The following VAC14 variants were observed in gnomAD, a reference collection of about 807,000 sequenced individuals.
VAC14 encodes protein VAC14 homolog.
In VAC14, 47 loss-of-function variants were observed where a neutral mutation model predicts 85.3. The observed-to-expected ratio is 0.55, with a 90% CI of 0.44 to 0.70. The LOEUF is 0.70. Ranked by LOEUF, VAC14 falls within the 30% of genes least tolerant of loss-of-function variation. VAC14 has a pLI of 0.00. For missense variants in VAC14, 861 were observed against 1,004.3 expected (o/e 0.86, Z 1.93); for synonymous variants, 447 against 430.5 (o/e 1.04, Z -0.47).
At chr16:70,760,426 G>A (rs566407580) in intron 12 of VAC14, among the ~76,000 whole-genome samples, 37 of 152,258 alleles carry the variant, frequency 2.4e-4, no homozygotes, top group African/African-American at 8.4e-4. Context: ...GGACACTTAG[G>A]AATGTGATTC....
intron 17 of VAC14, among the ~76,000 whole-genome samples, chr16:70,694,018 G>C (rs1375087659): frequency 1.3e-5 from 2 of 152,246 alleles, no homozygotes; most frequent in Admixed American, 6.5e-5. Context: ...GCGCGAGCCT[G>C]TTTCCAGTCC....
At chr16:70,761,520 G>C (rs111280326) in intron 12 of VAC14, among the ~76,000 whole-genome samples, 1 of 152,242 alleles carries the variant, frequency 6.6e-6, no homozygotes, top group African/African-American at 2.4e-5. Flanking sequence ...AAACCCTGCC[G>C]CTTGGCTGGG....
At chr16:70,784,033 C>G (rs1023616028) in intron 5 of VAC14, 80 bp downstream of exon 5, 2 of 1,183,020 alleles carry the variant, frequency 1.7e-6, no homozygotes, top group East Asian at 4.7e-5. Context: ...TTCCTATAGC[C>G]AAAGGGCCTG....
chr16:70,761,390 G>A (rs974717290), intron 12 of VAC14: 25 of 204,272 alleles, frequency 1.2e-4, no homozygotes, highest in East Asian at 5.1e-4. Context: ...GTGCCTTGGC[G>A]CTCAGAAGAG....
chr16:70,785,845 G>A lies in VAC14; in HGVS notation c.280C>T (p.Leu94=). ...AAGCAGGTCAGCACTGGCTCGATCA[G>A]CTCCTTCAGGTAGAGCCCTGAGTCC... ...GKDSGLYLKE[L]IEPVLTCFND... The change falls in exon 3 of 19, where the codon CTG becomes TTG. Residue 94 remains leucine (L), a synonymous_variant. Coordinates refer to ENST00000261776, the MANE Select transcript of VAC14 (RefSeq NM_018052.5). 1 of 1,604,696 alleles carries A rather than the reference G, an allele frequency of 6.2e-7. No individual in the cohort carries two copies. Among genetic ancestry groups the A allele is most frequent in the East Asian group, 2.2e-5 (1 of 44,522 alleles).
At chr16:70,790,488 T>G (rs1485444202) in intron 1 of VAC14, among the ~76,000 whole-genome samples, 1 of 152,162 alleles carries the variant, frequency 6.6e-6, no homozygotes, top group Admixed American at 6.5e-5. Flanking sequence ...GACCATGAGC[T>G]CGCACGTGAT....
At chr16:70,795,311 A>AAAC (rs746175310) in intron 1 of VAC14, among the ~76,000 whole-genome samples, 27 of 152,008 alleles carry the variant, frequency 1.8e-4, no homozygotes, top group Middle Eastern at 3.4e-3. Flanking sequence ...CTAAAAATTA[A>AAAC]AACAACAACA....
Position 70,781,900 on chromosome 16 carries a change from C to G in VAC14, c.915G>C (p.Leu305Phe). ...PYSSGILTAV[L>F]PCLAYDDRKK... ...TGCGGTCATCGTAGGCCAAGCAGGG[C>G]AAGACAGCAGTCAGGATCCCGGAGG... is the stretch of plus-strand genomic sequence containing the variant. The change falls in exon 8 of 19, where the codon TTG becomes TTC. Residue 305 changes from leucine to phenylalanine, a missense_variant. Physicochemically the swap from Leu to Phe is conservative, Grantham distance 22 (BLOSUM62 0). Around this residue, in one of 3 missense-constraint regions of VAC14, gnomAD observed 629 missense variants for 703.1 expected, o/e 0.89. Transcript: ENST00000261776. 6.2e-7 allele frequency: 1 copy of G among 1,614,172 alleles called. No homozygotes were observed. Among genetic ancestry groups the G allele is most frequent in the Non-Finnish European group, 8.5e-7 (1 of 1,180,042 alleles).
At chr16:70,742,781 C>T (rs1016566621) in intron 13 of VAC14, among the ~76,000 whole-genome samples, 29 of 152,216 alleles carry the variant, frequency 1.9e-4, no homozygotes, top group South Asian at 4.1e-4. Flanking sequence ...GGGACCAGCC[C>T]GGCTGGGCTG....
chr16:70,738,561 T>A (rs1387911498), intron 13 of VAC14, among the ~76,000 whole-genome samples: 1 of 148,722 alleles, frequency 6.7e-6, no homozygotes, highest in African/African-American at 2.5e-5. Flanking sequence ...GAGGAGAGGG[T>A]GTGGAGGAAG....
At chr16:70,712,391 C>T (rs1384249010) in intron 14 of VAC14, among the ~76,000 whole-genome samples, 2 of 152,074 alleles carry the variant, frequency 1.3e-5, no homozygotes, top group Admixed American at 1.3e-4. Context: ...AGCAAAGACA[C>T]GAGGTAACCA....
intron 1 of VAC14, among the ~76,000 whole-genome samples, chr16:70,789,033 G>A (rs1054552544): frequency 3.3e-5 from 5 of 152,222 alleles, no homozygotes; most frequent in African/African-American, 1.2e-4. Context: ...CCAGTCTTCC[G>A]CAGGAAGCTG....
intron 17 of VAC14, 151 bp from the exon 18 acceptor site, chr16:70,693,122 G>C: frequency 9.5e-7 from 1 of 1,053,238 alleles, no homozygotes; most frequent in Non-Finnish European, 1.3e-6. Context: ...ACCCAGCCAG[G>C]TGGCTGTGGC....
rs2054736356 is a variant in VAC14 at position 70,735,921 on chromosome 16, G to A, written c.1529-4294C>T. Reference sequence around the variant, plus strand: ...ATTCTTATAGATCGAGTTACCCCAGGCCCAGCTGGGGGCTGATCTCTAAAG... The same window carrying A: ...ATTCTTATAGATCGAGTTACCCCAGACCCAGCTGGGGGCTGATCTCTAAAG... On this transcript the variant is annotated intron_variant, in intron 13 of 18. Coordinates refer to ENST00000261776, the MANE Select transcript of VAC14 (RefSeq NM_018052.5). 2.6e-5 allele frequency among the ~76,000 whole-genome samples: 4 copies of A among 152,242 alleles called. No individual in the cohort carries two copies. In the South Asian group the frequency reaches 8.3e-4, roughly 31 times the overall value.
At chr16:70,729,996 C>T (rs1454913205) in intron 14 of VAC14, among the ~76,000 whole-genome samples, 1 of 152,062 alleles carries the variant, frequency 6.6e-6, no homozygotes, top group Non-Finnish European at 1.5e-5. Context: ...CTCCCTGCCA[C>T]TCTTCCGGGG....
chr16:70,786,779 A>G (rs2034081171), intron 1 of VAC14, among the ~76,000 whole-genome samples: 1 of 152,238 alleles, frequency 6.6e-6, no homozygotes, highest in South Asian at 2.1e-4. Context: ...TAGCTGAATC[A>G]GGCCCCAGTG....
At chr16:70,690,885 T>C (rs1046785451) in intron 18 of VAC14, 3 of 985,344 alleles carry the variant, frequency 3.0e-6, no homozygotes, top group South Asian at 4.7e-5. Context: ...GTCCAGGGCA[T>C]TGAAGGCTAG....
intron 14 of VAC14, among the ~76,000 whole-genome samples, chr16:70,700,891 A>G (rs1488803408): frequency 6.6e-6 from 1 of 152,150 alleles, no homozygotes; most frequent in Non-Finnish European, 1.5e-5. Context: ...AGCGCTCTCC[A>G]GGGATCCAGG....
At chr16:70,778,877 A>G (rs980205360) in intron 9 of VAC14, 12 of 152,234 alleles carry the variant, frequency 7.9e-5, no homozygotes, top group African/African-American at 2.9e-4. Context: ...TCAAACACTC[A>G]TATTTCAGTG....
Sources: allele counts gnomAD v4.1 joint callset (sites outside exome capture counted in the v4.1 genomes callset), GRCh38; gene constraint gnomAD v4.1.1; regional missense constraint gnomAD v4.1.1; transcripts MANE v1.5; gene names NCBI Gene and HGNC (gene_info 2026-07-23, HGNC 2026-07-21).